The following PRKAR1A variants were observed in gnomAD, a reference collection of about 807,000 sequenced individuals.
PRKAR1A encodes the protein protein kinase cAMP-dependent type I regulatory subunit alpha.
In PRKAR1A, 3 loss-of-function variants were observed where a neutral mutation model predicts 52.0. That is an observed-to-expected ratio of 0.06 (90% CI 0.03 to 0.15). The LOEUF (loss-of-function observed/expected upper bound fraction) is 0.15, where lower values mean the gene tolerates loss of function less well. PRKAR1A is among the 10% of genes least tolerant of loss of function. The pLI is 1.00. For missense variants in PRKAR1A, 240 were observed against 477.4 expected, an observed-to-expected ratio of 0.50 and a Z score of 4.63; for synonymous variants, 188 against 168.4, an observed-to-expected ratio of 1.12 and a Z score of -0.90.
intron 1 of PRKAR1A, 63 bp from the exon 2 acceptor site, chr17:68,515,331 A>C: frequency 6.3e-7 from 1 of 1,582,882 alleles, no homozygotes; most frequent in Non-Finnish European, 8.6e-7. Flanking sequence ...TTAGCAAGTT[A>C]AATGCCAGAT....
downstream of PRKAR1A, among the ~76,000 whole-genome samples, chr17:68,534,032 GTAT>G (rs914230187): frequency 4.6e-5 from 7 of 152,062 alleles, no homozygotes; most frequent in Non-Finnish European, 8.8e-5. Flanking sequence ...TCTCCCAAAG[GTAT>G]TATTATAATA....
chr17:68,481,098 C>T, the PRKAR1A span, among the ~76,000 whole-genome samples: 1 of 152,158 alleles, frequency 6.6e-6, no homozygotes. Context: ...TTTTCAGTGC[C>T]ATTTTTGTTT....
At chr17:68,504,381 C>A in the PRKAR1A span, among the ~76,000 whole-genome samples, 1 of 152,062 alleles carries the variant, frequency 6.6e-6, no homozygotes, top group African/African-American at 2.4e-5. Context: ...GCATGAGAAT[C>A]ACTTGAACCC....
the PRKAR1A span, among the ~76,000 whole-genome samples, chr17:68,423,135 T>TC: frequency 6.6e-6 from 1 of 152,178 alleles, no homozygotes; most frequent in African/African-American, 2.4e-5. The surrounding 1 kb of genome is among the most constrained non-coding windows in gnomAD (Gnocchi z 4.4). Context: ...AAGCTGAGAC[T>TC]CCAAGAGCCT....
the PRKAR1A span, chr17:68,433,557 A>G: frequency 6.2e-7 from 1 of 1,613,808 alleles, no homozygotes; most frequent in Non-Finnish European, 8.5e-7. Context: ...TGAACACTAG[A>G]GAGCTGATTG....
the PRKAR1A span, among the ~76,000 whole-genome samples, chr17:68,435,995 G>C: frequency 6.6e-6 from 1 of 152,260 alleles, no homozygotes; most frequent in African/African-American, 2.4e-5. Flanking sequence ...CGCCCTGCAC[G>C]CATCTTTAGG....
chr17:68,465,541 G>T, the PRKAR1A span, among the ~76,000 whole-genome samples: 4 of 151,462 alleles, frequency 2.6e-5, no homozygotes, highest in East Asian at 5.8e-4. Context: ...TGCAACCTCC[G>T]CCTCCGGGGT....
At chr17:68,425,382 CTT>C in the PRKAR1A span, among the ~76,000 whole-genome samples, 15,567 of 132,234 alleles carry the variant, frequency 0.12, 2,443 homozygotes, top group African/African-American at 0.37. Context: ...TTTTTCTTTT[CTT>C]TTTTTTTTTT....
intron 2 of PRKAR1A, among the ~76,000 whole-genome samples, chr17:68,520,926 G>A (rs927082541): frequency 2.6e-5 from 4 of 152,092 alleles, no homozygotes; most frequent in African/African-American, 9.7e-5. Flanking sequence ...CTTAAACTGT[G>A]TGTGTGTTTT....
At chr17:68,505,129 T>C in the PRKAR1A span, among the ~76,000 whole-genome samples, 1 of 152,120 alleles carries the variant, frequency 6.6e-6, no homozygotes, top group Non-Finnish European at 1.5e-5. Context: ...ACCCTGTTTC[T>C]ACCCCCCAAA....
downstream of PRKAR1A, chr17:68,536,463 C>G (rs1227707590): frequency 2.2e-6 from 1 of 454,092 alleles, no homozygotes; most frequent in Admixed American, 2.3e-5. Context: ...CAAGGAATCC[C>G]TACTACACTT....
At chr17:68,499,735 A>C in the PRKAR1A span, among the ~76,000 whole-genome samples, 6 of 152,234 alleles carry the variant, frequency 3.9e-5, no homozygotes, top group Admixed American at 1.3e-4. Context: ...TAAGATTGCC[A>C]CCGTGCTATA....
At chr17:68,517,552 C>T (rs747720155) in intron 2 of PRKAR1A, among the ~76,000 whole-genome samples, 7 of 152,272 alleles carry the variant, frequency 4.6e-5, no homozygotes, top group African/African-American at 1.2e-4. Flanking sequence ...CGTCAGCTAT[C>T]GTGAGGACTC....
chr17:68,483,964 T>C, the PRKAR1A span, among the ~76,000 whole-genome samples: 4 of 152,242 alleles, frequency 2.6e-5, no homozygotes, highest in African/African-American at 9.6e-5. Flanking sequence ...TTAATATTTA[T>C]GCCAATACCA....
At chr17:68,517,130 G>T (rs1315652065) in intron 2 of PRKAR1A, among the ~76,000 whole-genome samples, 1 of 152,202 alleles carries the variant, frequency 6.6e-6, no homozygotes, top group Non-Finnish European at 1.5e-5. Context: ...GGAATTTTTA[G>T]ATTTAATGTG....
intron 11 of PRKAR1A, chr17:68,540,058 A>G: frequency 9.2e-7 from 1 of 1,084,412 alleles, no homozygotes; most frequent in Non-Finnish European, 1.4e-6. Flanking sequence ...GAGGCCTGTC[A>G]TCACTTGAGA....
At chr17:68,548,357 C>T (rs1373650731) in intron 11 of PRKAR1A, among the ~76,000 whole-genome samples, 2 of 152,120 alleles carry the variant, frequency 1.3e-5, no homozygotes, top group East Asian at 3.9e-4. Context: ...CGGTGAAACC[C>T]CGTCTCTACT....
In PRKAR1A at chr17:68,530,765, T is replaced by TTAC; in HGVS notation, c.*317_*319dup. 1 of 1,311,036 alleles carries TTAC rather than the reference T, an allele frequency of 7.6e-7. No homozygotes were observed. Among genetic ancestry groups the TTAC allele is most frequent in the South Asian group, 1.6e-5 (1 of 63,698 alleles). 81.2% of individuals were successfully genotyped at this position (1,311,036 alleles called of 1,614,324 possible). ...AGGGCAGATCCCAGCACCTATTGAATTACCATAGAGTAATGATGTAACAGT... is the reference window on the plus strand; with the variant it reads ...AGGGCAGATCCCAGCACCTATTGAATTACTACCATAGAGTAATGATGTAACAGT... On this transcript the variant is annotated 3_prime_UTR_variant, in exon 11 of 11. Coordinates refer to ENST00000589228, the MANE Select transcript of PRKAR1A (RefSeq NM_002734.5).
intron 11 of PRKAR1A, among the ~76,000 whole-genome samples, chr17:68,549,514 G>A (rs2143628916): frequency 6.9e-6 from 1 of 144,584 alleles, no homozygotes; most frequent in Non-Finnish European, 1.5e-5. Flanking sequence ...AAAAAAGTTA[G>A]AGACATCCTA....
Sources: allele counts gnomAD v4.1 joint callset (sites outside exome capture counted in the v4.1 genomes callset), GRCh38; gene constraint gnomAD v4.1.1; non-coding constraint Gnocchi (gnomAD v3.1); transcripts MANE v1.5; gene names NCBI Gene and HGNC (gene_info 2026-07-23, HGNC 2026-07-21).